MAML3: variants seen among roughly 807,000 people sequenced by gnomAD.
The protein encoded by MAML3 is mastermind like transcriptional coactivator 3, also known as mastermind-like protein 3.
A neutral mutation model predicts 101.9 loss-of-function variants in MAML3; 27 were observed. The observed-to-expected ratio is 0.27, with a 90% CI of 0.20 to 0.37. The LOEUF is 0.37. MAML3 is among the 10% of genes least tolerant of loss of function. The pLI, the probability that MAML3 is intolerant of heterozygous loss-of-function variation, is 1.00. For missense variants in MAML3, 1,316 were observed against 1,444.9 expected (o/e 0.91, Z 1.45); for synonymous variants, 501 against 555.9 (o/e 0.90, Z 1.39).
intron 1 of MAML3, among the ~76,000 whole-genome samples, chr4:140,034,014 C>A (rs1422926383): frequency 6.6e-6 from 1 of 152,138 alleles, no homozygotes; most frequent in African/African-American, 2.4e-5. Context: ...TTATATACCA[C>A]CCTTCTCACA....
chr4:139,728,655 G>A (rs751318160), intron 3 of MAML3, among the ~76,000 whole-genome samples: 1 of 152,128 alleles, frequency 6.6e-6, no homozygotes, highest in African/African-American at 2.4e-5. Context: ...CACAGGTCAC[G>A]GCTTCCCATT....
At chr4:139,828,840 C>T (rs1264796751) in intron 2 of MAML3, among the ~76,000 whole-genome samples, 2 of 151,636 alleles carry the variant, frequency 1.3e-5, no homozygotes, top group Admixed American at 1.3e-4. Flanking sequence ...CTGGTGGCCT[C>T]TCCCATTGTC....
rs57140878 is a variant in MAML3, at chr4:140,099,229, TCACACACA to T, written c.468+53623_468+53630del. On this transcript the variant is annotated intron_variant, in intron 1 of 4. Transcript: ENST00000509479. ...AAACTCTGTTCACATTGGAAGTATA[TCACACACA>T]CACACACACACACACACACACACGT... 3.4e-5 allele frequency among the ~76,000 whole-genome samples: 5 copies of T among 147,066 alleles called. No homozygotes were observed. The Admixed American group carries it at 3.4e-4, about 10-fold the overall frequency.
Position 139,719,953 on chromosome 4 carries a change from A to C in MAML3, c.2787T>G (p.His929Gln). 6.2e-7 allele frequency: 1 copy of C among 1,613,944 alleles called. No homozygotes were observed. The highest frequency in any genetic ancestry group is 2.2e-5 in the East Asian group (1 of 44,868). The change falls in exon 5 of 5, where the codon CAT becomes CAG. Residue 929 changes from histidine to glutamine, a missense_variant. Physicochemically the swap from His to Gln is conservative, Grantham distance 24 (BLOSUM62 0). Transcript: ENST00000509479. Reference protein sequence around the residue: ...MLVNSAITQQHPQMKGPVGQA... With the variant: ...MLVNSAITQQQPQMKGPVGQA... ...GGCCTACTGGCCCTTTCATCTGTGG[A>C]TGTTGCTGGGTAATGGCTGAGTTCA... is the stretch of plus-strand genomic sequence containing the variant.
intron 1 of MAML3, among the ~76,000 whole-genome samples, chr4:140,071,502 A>T (rs1727651793): frequency 6.6e-6 from 1 of 152,206 alleles, no homozygotes; most frequent in African/African-American, 2.4e-5. Context: ...TTTAAATGTT[A>T]AAAACAGAGA....
intron 2 of MAML3, among the ~76,000 whole-genome samples, chr4:139,859,177 AC>A (rs1731719743): frequency 6.6e-6 from 1 of 151,840 alleles, no homozygotes; most frequent in African/African-American, 2.4e-5. Context: ...AACATGAAAA[AC>A]ATCTCTGATT....
intron 1 of MAML3, among the ~76,000 whole-genome samples, chr4:140,125,327 G>T (rs1340297041): frequency 1.3e-5 from 2 of 152,158 alleles, no homozygotes; most frequent in South Asian, 2.1e-4. Context: ...CAGCTACTTG[G>T]GAGGCTGAGG....
intron 1 of MAML3, among the ~76,000 whole-genome samples, chr4:139,905,594 A>G (rs1315740329): frequency 6.6e-6 from 1 of 152,128 alleles, no homozygotes; most frequent in Non-Finnish European, 1.5e-5. Context: ...ATAACAAAAT[A>G]CCACAGACTG....
At chr4:139,744,126 T>C (rs1729251351) in intron 2 of MAML3, among the ~76,000 whole-genome samples, 1 of 152,222 alleles carries the variant, frequency 6.6e-6, no homozygotes, top group South Asian at 2.1e-4. Flanking sequence ...AGGTCTGGAA[T>C]ACTCTGATTC....
At chr4:139,834,510 G>A (rs76558850) in intron 2 of MAML3, among the ~76,000 whole-genome samples, 2,968 of 152,310 alleles carry the variant, frequency 0.019, 89 homozygotes, top group African/African-American at 0.065. Flanking sequence ...TTGAAGGTGC[G>A]TTGCAGTCAC....
intron 2 of MAML3, among the ~76,000 whole-genome samples, chr4:139,863,343 C>CTTTT (rs11439880): frequency 3.3e-5 from 4 of 120,550 alleles, no homozygotes; most frequent in Admixed American, 9.7e-5. Context: ...TTCCTGTGCC[C>CTTTT]TTTTTTTTTT....
chr4:139,911,118 C>T (rs1194326457), intron 1 of MAML3, among the ~76,000 whole-genome samples: 2 of 152,196 alleles, frequency 1.3e-5, no homozygotes, highest in African/African-American at 2.4e-5. Flanking sequence ...ACTCTACGTA[C>T]CTCACATAAG....
chr4:140,069,426 G>GAGGAGAAGGAGGAGAAGGAGGAGA (rs1727599676), intron 1 of MAML3, among the ~76,000 whole-genome samples: 1 of 26,430 alleles, frequency 3.8e-5, no homozygotes, highest in Non-Finnish European at 7.0e-5. Context: ...GGAGGGGAAG[G>GAGGAGAAGGAGGAGAAGGAGGAGA]AGGAGAAGGA....
chr4:139,808,968 G>C (rs899970578), intron 2 of MAML3, among the ~76,000 whole-genome samples: 1 of 152,114 alleles, frequency 6.6e-6, no homozygotes, highest in Non-Finnish European at 1.5e-5. Context: ...TTATGAGAGA[G>C]AGAAAGAAAG....
At chr4:139,994,188 A>G (rs116764582) in intron 1 of MAML3, among the ~76,000 whole-genome samples, 3,414 of 152,222 alleles carry the variant, frequency 0.022, 146 homozygotes, top group African/African-American at 0.077. Context: ...TTTCATTCCA[A>G]TCCATGAACT....
At chr4:140,033,590 T>C (rs901519031) in intron 1 of MAML3, among the ~76,000 whole-genome samples, 7 of 152,320 alleles carry the variant, frequency 4.6e-5, no homozygotes, top group African/African-American at 1.4e-4. Flanking sequence ...CATAAGGCCA[T>C]ATAGCACAGT....
chr4:140,129,575 C>A lies in MAML3; in HGVS notation c.468+23285G>T, dbSNP rs981718456. Among the ~76,000 whole-genome samples the A allele has an allele frequency of 2.6e-5, 4 of 152,128 alleles. No individual in the cohort carries two copies. The East Asian group carries it at 7.7e-4, about 29-fold the overall frequency. On this transcript the variant is annotated intron_variant, in intron 1 of 4. Transcript: ENST00000509479. The stretch of plus-strand genomic sequence containing the variant: ...GCTGAGTCTCAGTCTGCCAGAGAGA[C>A]CAAACGTGTAGAAACGAAAGGAAGA...
chr4:140,104,408 A>T lies in MAML3; in HGVS notation c.468+48452T>A, dbSNP rs61131148. 4.2e-3 allele frequency among the ~76,000 whole-genome samples: 232 copies of T among 54,680 alleles called. 3 individuals are homozygous for T. The highest frequency in any genetic ancestry group is 0.031 in the East Asian group (83 of 2,718). The allele number at this position is 54,680 out of a possible 152,430, so 35.9% of individuals were successfully genotyped here. A position where few individuals can be genotyped will look rare whatever the true frequency, so the allele number is the denominator to read the frequency against. On this transcript the variant is annotated intron_variant, in intron 1 of 4. Transcript: ENST00000509479. ...ATATATTATATATTATATAATATATAATATAATATATAATATACACGAATG... is the reference window on the plus strand; with the variant it reads ...ATATATTATATATTATATAATATATTATATAATATATAATATACACGAATG...
At chr4:139,991,895 A>G (rs1364471612) in intron 1 of MAML3, among the ~76,000 whole-genome samples, 2 of 152,184 alleles carry the variant, frequency 1.3e-5, no homozygotes, top group East Asian at 1.9e-4. Context: ...AATTAAAAAA[A>G]AAATTTCAAG....
Sources: gnomAD v4.1 joint callset for allele counts (sites outside exome capture counted in the v4.1 genomes callset) on GRCh38, gnomAD v4.1.1 for gene constraint, MANE v1.5 for transcripts, NCBI Gene and HGNC (gene_info 2026-07-23, HGNC 2026-07-21) for gene names.